Variants in GRHPR observed in about 807,000 individuals in gnomAD.
The protein encoded by GRHPR is glyoxylate and hydroxypyruvate reductase.
Under a neutral mutation model 36.8 loss-of-function variants are expected in GRHPR, and 35 were observed. The observed-to-expected ratio is 0.95, with a 90% CI of 0.73 to 1.26. The LOEUF (loss-of-function observed/expected upper bound fraction) is 1.26, where lower values mean the gene tolerates loss of function less well. Ranked by LOEUF, GRHPR falls within the 50% of genes most tolerant of loss-of-function variation. GRHPR has a pLI of 0.00. For missense variants in GRHPR, 380 were observed against 435.0 expected (o/e 0.87, Z 1.12); for synonymous variants, 179 against 181.0 (o/e 0.99, Z 0.09).
chr9:37,422,640 C>A (rs539015732), upstream of GRHPR: 3 of 873,558 alleles, frequency 3.4e-6, no homozygotes, highest in African/African-American at 1.7e-5. Flanking sequence ...CCCCTGCGCA[C>A]GCCGCGCGCG....
At chr9:37,433,308 A>G (rs192829177) in intron 8 of GRHPR, among the ~76,000 whole-genome samples, 94 of 142,662 alleles carry the variant, frequency 6.6e-4, no homozygotes, top group Admixed American at 1.1e-3. Context: ...ATCTGAACTC[A>G]CTGCAACCCC....
intron 8 of GRHPR, chr9:37,434,930 A>T (rs1324413063): frequency 6.6e-6 from 1 of 152,244 alleles, no homozygotes; most frequent in East Asian, 1.9e-4. Context: ...GAGTGAGCGG[A>T]TTTATTCTGA....
intron 5 of GRHPR, 112 bp from the exon 6 acceptor site, chr9:37,429,620 G>T (rs753397758): frequency 8.8e-6 from 7 of 799,026 alleles, no homozygotes; most frequent in Non-Finnish European, 1.4e-5. Flanking sequence ...CAGGCAACTC[G>T]GGCTGTGCTG....
At position 37,427,899 on chromosome 9, in the gene GRHPR, G is replaced by A. The variant is rs143289057; in HGVS notation, c.405-585G>A. On this transcript the variant is annotated intron_variant, in intron 4 of 8. Coordinates refer to ENST00000318158, the MANE Select transcript of GRHPR (RefSeq NM_012203.2). Reference sequence around the variant, plus strand: ...CATGTGCAGATGGAGGGACTGGCCCGAGTCAAGGTGGGAGGCGTGCAAACG... The same window carrying A: ...CATGTGCAGATGGAGGGACTGGCCCAAGTCAAGGTGGGAGGCGTGCAAACG... 384 of 156,658 alleles carry A rather than the reference G, an allele frequency of 2.5e-3. 2 individuals carry two copies. Among genetic ancestry groups the A allele is most frequent in the African/African-American group, 8.3e-3 (343 of 41,462 alleles). 9.7% of individuals were successfully genotyped at this position (156,658 alleles called of 1,614,324 possible).
intron 8 of GRHPR, chr9:37,432,814 A>C (rs1021770537): frequency 6.5e-6 from 1 of 153,968 alleles, no homozygotes; most frequent in African/African-American, 2.4e-5. Context: ...TGACAATGCC[A>C]ATATAACTCG....
downstream of GRHPR, among the ~76,000 whole-genome samples, chr9:37,437,401 C>G (rs906285545): frequency 1.1e-4 from 17 of 152,206 alleles, no homozygotes; most frequent in African/African-American, 4.1e-4. Flanking sequence ...CCCTCATCTT[C>G]TCTGCCCAGA....
rs527998291 is a variant in GRHPR at position 37,424,569 on chromosome 9, T to C, written c.84-276T>C. Among the ~76,000 whole-genome samples the C allele has an allele frequency of 1.2e-3, 176 of 152,336 alleles. 1 individual carries two copies. The highest frequency in any genetic ancestry group is 3.6e-3 in the African/African-American group (149 of 41,590). On this transcript the variant is annotated intron_variant, in intron 1 of 8. Transcript: ENST00000318158. ...GCCGCCTGCTTGGCCGCCCAGCCCC[T>C]GTGAATGTGGGAAAGCTCTTCTCTG...
intron 6 of GRHPR, 69 bp downstream of exon 6, chr9:37,429,905 G>T (rs925458644): frequency 1.0e-6 from 1 of 955,148 alleles, no homozygotes; most frequent in African/African-American, 1.6e-5. Flanking sequence ...TTCTCTCAAT[G>T]GTGGCATTTT....
intron 7 of GRHPR, chr9:37,431,045 A>G (rs1391963181): frequency 4.2e-6 from 2 of 474,876 alleles, no homozygotes; most frequent in Non-Finnish European, 8.7e-6. Flanking sequence ...TGGTTCAGTG[A>G]TACTTTGAAC....
At chr9:37,430,775 A>C (rs762414159) in intron 7 of GRHPR, 129 bp downstream of exon 7, 78 of 844,184 alleles carry the variant, frequency 9.2e-5, no homozygotes, top group Admixed American at 5.7e-4. Context: ...CATAAACCAA[A>C]CAACCAACTC....
rs1366431114 is a variant in GRHPR, at chr9:37,429,644, G to T, written c.494-88G>T. 6.8e-6 allele frequency: 6 copies of T among 881,438 alleles called. No individual in the cohort carries two copies. The East Asian group carries it at 9.6e-5, about 14-fold the overall frequency. The allele number at this position is 881,438 out of a possible 1,614,324, so 54.6% of individuals were successfully genotyped here. Reference sequence around the variant, plus strand: ...CGGGCTGTGCTGATGAAAAGGGTCTGCCCTGAGGGCCGCTGTTCCAGAAAT... The same window carrying T: ...CGGGCTGTGCTGATGAAAAGGGTCTTCCCTGAGGGCCGCTGTTCCAGAAAT... On this transcript the variant is annotated intron_variant, in intron 5 of 8. Coordinates refer to ENST00000318158, the MANE Select transcript of GRHPR (RefSeq NM_012203.2).
At position 37,430,665 on chromosome 9, in the gene GRHPR, A is replaced by AC; in HGVS notation, c.734+22dup. On this transcript the variant is annotated intron_variant, in intron 7 of 8. Transcript: ENST00000318158. The stretch of plus-strand genomic sequence containing the variant: ...TCAGCAGGTATCCTAGGGCCACCTT[A>AC]CCCAGCAAGCCTGGAGAGGAGCCAT... 1.9e-6 allele frequency: 3 copies of AC among 1,611,826 alleles called. No homozygotes were observed. The highest frequency in any genetic ancestry group is 2.5e-6 in the Non-Finnish European group (3 of 1,178,056).
At chr9:37,427,071 G>C (rs1358942114) in intron 4 of GRHPR, among the ~76,000 whole-genome samples, 1 of 152,190 alleles carries the variant, frequency 6.6e-6, no homozygotes, top group Non-Finnish European at 1.5e-5. Context: ...GTGCCCCATT[G>C]AGTGAGGACT....
At chr9:37,430,390 G>T in intron 6 of GRHPR, 121 bp from the exon 7 acceptor site, 1 of 836,990 alleles carries the variant, frequency 1.2e-6, no homozygotes, top group East Asian at 2.4e-5. Flanking sequence ...GTAGAGACTC[G>T]GCCTTCAGGA....
intron 3 of GRHPR, 177 bp from the exon 4 acceptor site, chr9:37,426,361 T>C (rs1302001693): frequency 5.8e-6 from 4 of 686,222 alleles, no homozygotes; most frequent in Non-Finnish European, 1.1e-5. Context: ...CCTTCCAAAG[T>C]GGGAGATAAT....
downstream of GRHPR, chr9:37,437,094 C>G: frequency 8.0e-6 from 3 of 374,314 alleles, no homozygotes; most frequent in Non-Finnish European, 1.6e-5. Context: ...CGGGAAGGAT[C>G]CTTTGAGGCC....
At chr9:37,439,297 G>A (rs1823806153), downstream of GRHPR, 1 of 152,206 alleles carries the variant, frequency 6.6e-6, no homozygotes, top group South Asian at 2.1e-4. Flanking sequence ...AGTCTCAGAT[G>A]CTACTTGATT....
At chr9:37,436,458 G>A (rs543073721) in intron 8 of GRHPR, among the ~76,000 whole-genome samples, 70 of 152,290 alleles carry the variant, frequency 4.6e-4, no homozygotes, top group African/African-American at 1.6e-3. Flanking sequence ...TAGTAGCCTG[G>A]AGGCCCTTCA....
intron 8 of GRHPR, among the ~76,000 whole-genome samples, chr9:37,433,379 G>A (rs1056721571): frequency 1.3e-5 from 2 of 151,974 alleles, no homozygotes. Context: ...GATTACAGGC[G>A]TGTACCACCA....
Sources: allele counts gnomAD v4.1 joint callset (sites outside exome capture counted in the v4.1 genomes callset), GRCh38; gene constraint gnomAD v4.1.1; transcripts MANE v1.5; gene names NCBI Gene and HGNC (gene_info 2026-07-23, HGNC 2026-07-21).